Variants in PACS1 observed in about 807,000 individuals in gnomAD.
The protein encoded by PACS1 is PACS-1.
PACS1 carries 24 observed loss-of-function variants against 115.0 expected under a neutral mutation model. The observed-to-expected ratio is 0.21, with a 90% CI of 0.15 to 0.29. The LOEUF (loss-of-function observed/expected upper bound fraction) is 0.29, where lower values mean the gene tolerates loss of function less well. Ranked by LOEUF, PACS1 falls within the 10% of genes least tolerant of loss-of-function variation. The pLI is 1.00. For synonymous variants in PACS1, 453 were observed against 504.5 expected (o/e 0.90, Z 1.37); for missense variants, 838 against 1,251.2 (o/e 0.67, Z 4.98).
intron 1 of PACS1, among the ~76,000 whole-genome samples, chr11:66,168,097 C>T (rs868599438): frequency 6.7e-6 from 1 of 150,134 alleles, no homozygotes; most frequent in South Asian, 2.1e-4. Context: ...GAGATGGGGT[C>T]TCGCCATGTT....
chr11:66,228,329 G>T (rs1855508210), intron 11 of PACS1, among the ~76,000 whole-genome samples: 1 of 152,062 alleles, frequency 6.6e-6, no homozygotes, highest in African/African-American at 2.4e-5. Context: ...CCTGCTGGGA[G>T]TTGACTAGAA....
At chr11:66,238,754 A>T (rs755174797) in intron 19 of PACS1, 50 bp from the exon 20 acceptor site, 20 of 1,511,824 alleles carry the variant, frequency 1.3e-5, no homozygotes, top group African/African-American at 8.2e-5. Flanking sequence ...GGATCAGAAC[A>T]TGCCTGCTTT....
chr11:66,235,531 T>C lies in PACS1; in HGVS notation c.2207+128T>C. On this transcript the variant is annotated intron_variant, in intron 18 of 23. Coordinates refer to ENST00000320580, the MANE Select transcript of PACS1 (RefSeq NM_018026.4). This position sits in a 1 kb window ranked among gnomAD's most constrained non-coding sequence, Gnocchi z 5.6. ...TCCTTCATAGGAACCCAAAAGGATATGAGTGGTTTTTACCACCACCTCCCC... is the reference window on the plus strand; with the variant it reads ...TCCTTCATAGGAACCCAAAAGGATACGAGTGGTTTTTACCACCACCTCCCC... 1 of 723,880 alleles carries C rather than the reference T, an allele frequency of 1.4e-6. No homozygotes were observed. The highest frequency in any genetic ancestry group is 1.8e-5 in the South Asian group (1 of 55,516). The allele number at this position is 723,880 out of a possible 1,614,324, so 44.8% of individuals were successfully genotyped here.
chr11:66,093,071 A>C (rs1322690004), intron 1 of PACS1, among the ~76,000 whole-genome samples: 1 of 151,924 alleles, frequency 6.6e-6, no homozygotes, highest in Admixed American at 6.6e-5. Flanking sequence ...TGGTAGCTTG[A>C]TGGGGATGGC....
chr11:66,180,029 A>G (rs1338381216), intron 1 of PACS1, among the ~76,000 whole-genome samples: 1 of 152,098 alleles, frequency 6.6e-6, no homozygotes, highest in Non-Finnish European at 1.5e-5. Flanking sequence ...TTTAGTAGAG[A>G]TGGGGTTTCA....
intron 1 of PACS1, among the ~76,000 whole-genome samples, chr11:66,110,602 C>T (rs1301319192): frequency 6.6e-6 from 1 of 152,134 alleles, no homozygotes; most frequent in African/African-American, 2.4e-5. Flanking sequence ...GAAAGGGTCT[C>T]ACTCTGGTTG....
chr11:66,155,445 A>G (rs904939243), intron 1 of PACS1, among the ~76,000 whole-genome samples: 1 of 152,238 alleles, frequency 6.6e-6, no homozygotes, highest in Non-Finnish European at 1.5e-5. Flanking sequence ...ATTTCAAAGT[A>G]TACTTCACAA....
At position 66,122,308 on chromosome 11, in the gene PACS1, C is replaced by T. The variant is rs373579566; in HGVS notation, c.356+51466C>T. On this transcript the variant is annotated intron_variant, in intron 1 of 23. Coordinates refer to ENST00000320580, the MANE Select transcript of PACS1 (RefSeq NM_018026.4). Reference sequence around the variant, plus strand: ...AAAGATTCTTTTCAAAATATTACTGCTCATTGACAGTGCACCTGGTCACCC... The same window carrying T: ...AAAGATTCTTTTCAAAATATTACTGTTCATTGACAGTGCACCTGGTCACCC... Among the ~76,000 whole-genome samples the T allele has an allele frequency of 1.6e-4, 25 of 152,344 alleles. 2 individuals are homozygous for T. In the East Asian group the frequency reaches 3.5e-3, roughly 21 times the overall value.
rs932025488 is a variant in PACS1, at chr11:66,167,262, T to C, written c.357-26224T>C. Among the ~76,000 whole-genome samples, 23 of 150,096 alleles carry C rather than the reference T, an allele frequency of 1.5e-4. 2 individuals carry two copies. Among genetic ancestry groups the C allele is most frequent in the Admixed American group, 1.4e-3 (21 of 15,180 alleles). ...ATTGATTTGTCAGTCTTTTTCTTAC[T>C]GACTTATAGTTCTTTCCCTTTGTCA... On this transcript the variant is annotated intron_variant, in intron 1 of 23. Coordinates refer to ENST00000320580, the MANE Select transcript of PACS1 (RefSeq NM_018026.4).
chr11:66,168,883 A>G (rs1455389287), intron 1 of PACS1, among the ~76,000 whole-genome samples: 1 of 150,218 alleles, frequency 6.7e-6, no homozygotes, highest in East Asian at 1.9e-4. Flanking sequence ...AACCTGGTTA[A>G]TCTCTCATTA....
At chr11:66,219,311 T>C (rs1297535304) in intron 7 of PACS1, among the ~76,000 whole-genome samples, 1 of 151,648 alleles carries the variant, frequency 6.6e-6, no homozygotes, top group African/African-American at 2.4e-5. Context: ...GGTTCAGGTG[T>C]GTTGGCGACA....
At chr11:66,132,235 CT>C (rs374475415) in intron 1 of PACS1, among the ~76,000 whole-genome samples, 1 of 144,404 alleles carries the variant, frequency 6.9e-6, no homozygotes, top group South Asian at 2.1e-4. Context: ...ATAAATGGTG[CT>C]TTTTTCCTGC....
At chr11:66,221,483 TA>T in intron 10 of PACS1, 1 of 515,712 alleles carries the variant, frequency 1.9e-6, no homozygotes, top group Non-Finnish European at 3.5e-6. Context: ...CCATCTCTAC[TA>T]AAAATACAAA....
chr11:66,160,799 G>C (rs946650904), intron 1 of PACS1, among the ~76,000 whole-genome samples: 1 of 151,558 alleles, frequency 6.6e-6, no homozygotes, highest in Admixed American at 6.6e-5. Context: ...TGGGATTATA[G>C]GTGTGAGCCA....
At chr11:66,136,325 A>T (rs201626086) in intron 1 of PACS1, among the ~76,000 whole-genome samples, 1 of 46,306 alleles carries the variant, frequency 2.2e-5, no homozygotes, top group East Asian at 7.7e-4. Context: ...TCCCACTGTC[A>T]CACACACACA....
At chr11:66,114,208 A>G (rs482746) in intron 1 of PACS1, among the ~76,000 whole-genome samples, 149,940 of 152,012 alleles carry the variant, frequency 0.99, 73,974 homozygotes, top group Middle Eastern at 1. Flanking sequence ...CACAAGGTCA[A>G]GAGATCGAGA....
Position 66,070,335 on chromosome 11 carries a change from G to C in PACS1, c.-152G>C, listed in dbSNP as rs970994662. 1.1e-4 allele frequency: 31 copies of C among 285,314 alleles called. No individual in the cohort carries two copies. The highest frequency in any genetic ancestry group is 7.0e-4 in the African/African-American group (31 of 44,216). 17.7% of individuals were successfully genotyped at this position (285,314 alleles called of 1,614,324 possible). On this transcript the variant is annotated 5_prime_UTR_variant, in exon 1 of 24. Coordinates refer to ENST00000320580, the MANE Select transcript of PACS1 (RefSeq NM_018026.4). This position sits in a 1 kb window ranked among gnomAD's most constrained non-coding sequence, Gnocchi z 5.9. ...GTCGAGCGCGAGGCCCGCGCGCCCA[G>C]AGGCCCCGCGCGTGCGTGCAGCTCG... is the stretch of plus-strand genomic sequence containing the variant.
chr11:66,071,736 C>CT (rs1857312952), intron 1 of PACS1, among the ~76,000 whole-genome samples: 1 of 152,148 alleles, frequency 6.6e-6, no homozygotes, highest in South Asian at 2.1e-4. Context: ...CACCTTGTAG[C>CT]TGAGTTGATT....
chr11:66,218,107 C>T (rs1299557413), intron 7 of PACS1: 1 of 152,578 alleles, frequency 6.6e-6, no homozygotes, highest in Non-Finnish European at 1.5e-5. Flanking sequence ...CCACCAAGAA[C>T]ACAGATGTAC....
Sources: gnomAD v4.1 joint callset for allele counts (sites outside exome capture counted in the v4.1 genomes callset) on GRCh38, gnomAD v4.1.1 for gene constraint, Gnocchi (gnomAD v3.1) non-coding constraint, MANE v1.5 for transcripts, NCBI Gene and HGNC (gene_info 2026-07-23, HGNC 2026-07-21) for gene names.